PRKAR1A: variants seen among roughly 807,000 people sequenced by gnomAD.
PRKAR1A encodes the protein protein kinase cAMP-dependent type I regulatory subunit alpha.
In PRKAR1A, 3 loss-of-function variants were observed where a neutral mutation model predicts 52.0. The observed-to-expected ratio is 0.06, with a 90% CI of 0.03 to 0.15. The LOEUF (loss-of-function observed/expected upper bound fraction) is 0.15, where lower values mean the gene tolerates loss of function less well. Ranked by LOEUF, PRKAR1A falls within the 10% of genes least tolerant of loss-of-function variation. The pLI, the probability that PRKAR1A is intolerant of heterozygous loss-of-function variation, is 1.00. For synonymous variants in PRKAR1A, 188 were observed against 168.4 expected (o/e 1.12, Z -0.90); for missense variants, 240 against 477.4 (o/e 0.50, Z 4.63).
chr17:68,439,721 A>T, the PRKAR1A span, among the ~76,000 whole-genome samples: 2 of 152,214 alleles, frequency 1.3e-5, no homozygotes, highest in African/African-American at 4.8e-5. Context: ...TGAGTTCAAG[A>T]CTGAGGTCTG....
At chr17:68,435,359 G>A in the PRKAR1A span, among the ~76,000 whole-genome samples, 236 of 152,308 alleles carry the variant, frequency 1.5e-3, no homozygotes, top group African/African-American at 5.5e-3. Flanking sequence ...TGATGTACAC[G>A]TACATTTCTT....
the PRKAR1A span, among the ~76,000 whole-genome samples, chr17:68,482,859 C>A: frequency 6.6e-6 from 1 of 152,190 alleles, no homozygotes; most frequent in Admixed American, 6.5e-5. Context: ...GGGTGACAGA[C>A]CACCTGGAGC....
At position 68,539,350 on chromosome 17, in the gene PRKAR1A, A is replaced by G. The variant is rs2086192044; in HGVS notation, c.973+9349A>G. On this transcript the variant is annotated intron_variant, in intron 11 of 11. Coordinates refer to the PRKAR1A transcript ENST00000585981. ...AGGAAAACTTACATGCAGCACTGGG[A>G]GAGAGGCGAGAGGATGGAGATTTCA... The G allele has an allele frequency of 2.5e-6, 4 of 1,614,210 alleles. 1 individual carries two copies. The South Asian group carries it at 4.4e-5, about 18-fold the overall frequency.
chr17:68,494,708 C>A, the PRKAR1A span, among the ~76,000 whole-genome samples: 3 of 151,918 alleles, frequency 2.0e-5, no homozygotes, highest in Admixed American at 2.0e-4. Context: ...AATGTAAGTG[C>A]CCGGCAAACG....
At chr17:68,486,516 T>TCCTTCCTTCCTTCC in the PRKAR1A span, among the ~76,000 whole-genome samples, 1 of 78,950 alleles carries the variant, frequency 1.3e-5, no homozygotes, top group Admixed American at 1.4e-4. Flanking sequence ...CTTCTTTCTT[T>TCCTTCCTTCCTTCC]CTTTCTTTCT....
chr17:68,429,273 G>C, the PRKAR1A span, among the ~76,000 whole-genome samples: 1 of 152,228 alleles, frequency 6.6e-6, no homozygotes, highest in Non-Finnish European at 1.5e-5. Context: ...AACCAAGACA[G>C]AAAGGGGGTA....
the PRKAR1A span, among the ~76,000 whole-genome samples, chr17:68,486,460 T>C: frequency 3.3e-5 from 5 of 149,962 alleles, no homozygotes; most frequent in Non-Finnish European, 7.4e-5. Context: ...CCTCTTTCTT[T>C]CTTTCTTTCT....
At chr17:68,417,732 A>ATTTT in the PRKAR1A span, among the ~76,000 whole-genome samples, 24 of 63,214 alleles carry the variant, frequency 3.8e-4, no homozygotes, top group Non-Finnish European at 6.4e-4. Flanking sequence ...AGAGTTGCTG[A>ATTTT]ATTTTTTTTT....
chr17:68,469,546 A>G, the PRKAR1A span, among the ~76,000 whole-genome samples: 4 of 152,038 alleles, frequency 2.6e-5, no homozygotes, highest in Non-Finnish European at 5.9e-5. Context: ...TTGTTGGCTG[A>G]CTGACTTACA....
chr17:68,532,249 AT>A lies in PRKAR1A; in HGVS notation c.*1803del, dbSNP rs1255744238. 2 of 1,042,474 alleles carry A rather than the reference AT, an allele frequency of 1.9e-6. No individual in the cohort carries two copies. Among genetic ancestry groups the A allele is most frequent in the Non-Finnish European group, 2.3e-6 (2 of 858,538 alleles). 64.6% of individuals were successfully genotyped at this position (1,042,474 alleles called of 1,614,324 possible). A position where few individuals can be genotyped will look rare whatever the true frequency, so the allele number is the denominator to read the frequency against. ...TACGTTCTTACAAGCTTAAAGCTTG[AT>A]TTGATCTTTGTTTAAATGCCAAAAT... On this transcript the variant is annotated 3_prime_UTR_variant, in exon 11 of 11. Coordinates refer to ENST00000589228, the MANE Select transcript of PRKAR1A (RefSeq NM_002734.5).
At chr17:68,525,997 A>C in intron 7 of PRKAR1A, 85 bp downstream of exon 7, 1 of 1,480,580 alleles carries the variant, frequency 6.8e-7, no homozygotes, top group Non-Finnish European at 9.3e-7. Flanking sequence ...TAAAAAGAGA[A>C]TATTTCTTTT....
At chr17:68,542,630 A>AG (rs1282784159) in intron 11 of PRKAR1A, 6 of 1,222,326 alleles carry the variant, frequency 4.9e-6, no homozygotes, top group Non-Finnish European at 7.3e-6. Flanking sequence ...TGATGAATGG[A>AG]GGGGTGGACA....
chr17:68,455,099 C>A, the PRKAR1A span, among the ~76,000 whole-genome samples: 1 of 152,114 alleles, frequency 6.6e-6, no homozygotes, highest in South Asian at 2.1e-4. Context: ...TAGTGTGTCA[C>A]ATCTGTAATC....
the PRKAR1A span, among the ~76,000 whole-genome samples, chr17:68,415,424 C>T: frequency 2.6e-5 from 4 of 152,068 alleles, no homozygotes; most frequent in Non-Finnish European, 5.9e-5. Flanking sequence ...TATTGAGGCT[C>T]ATTTTGTGGC....
At chr17:68,470,244 A>G in the PRKAR1A span, among the ~76,000 whole-genome samples, 1 of 152,040 alleles carries the variant, frequency 6.6e-6, no homozygotes, top group Non-Finnish European at 1.5e-5. Context: ...ACCGCACCTG[A>G]CTAATTTTTG....
At chr17:68,542,770 C>T (rs781553642) in intron 11 of PRKAR1A, 4 of 1,614,150 alleles carry the variant, frequency 2.5e-6, no homozygotes, top group African/African-American at 2.7e-5. Flanking sequence ...CATTTACTAT[C>T]CTCCCCACTG....
chr17:68,417,831 C>T, the PRKAR1A span, among the ~76,000 whole-genome samples: 3 of 126,860 alleles, frequency 2.4e-5, no homozygotes, highest in African/African-American at 5.8e-5. Flanking sequence ...CCCAGGTTCA[C>T]GTGGTTCTCC....
chr17:68,424,413 G>A, the PRKAR1A span: 9 of 533,680 alleles, frequency 1.7e-5, no homozygotes, highest in East Asian at 1.1e-4. Context: ...ACGGATCTGC[G>A]GGAGAAAGAA....
downstream of PRKAR1A, chr17:68,537,447 G>A (rs772611671): frequency 2.9e-5 from 46 of 1,613,616 alleles, no homozygotes; most frequent in African/African-American, 6.7e-5. The surrounding 1 kb of genome is among the most constrained non-coding windows in gnomAD (Gnocchi z 4.2). Context: ...GGCTCCAGGC[G>A]TATTTTCTGA....
Sources: allele counts gnomAD v4.1 joint callset (sites outside exome capture counted in the v4.1 genomes callset), GRCh38; gene constraint gnomAD v4.1.1; non-coding constraint Gnocchi (gnomAD v3.1); transcripts MANE v1.5; gene names NCBI Gene and HGNC (gene_info 2026-07-23, HGNC 2026-07-21).